SEC16A: variants seen among roughly 807,000 people sequenced by gnomAD.
The protein encoded by SEC16A is protein transport protein Sec16A.
Under a neutral mutation model 221.9 loss-of-function variants are expected in SEC16A, and 110 were observed. The ratio of observed to expected loss-of-function variants is 0.50; its 90% CI spans 0.42 to 0.58. The LOEUF is 0.58. Among genes scored for constraint, SEC16A ranks in the 20% least tolerant of loss-of-function variants. The pLI is 0.00. For missense variants in SEC16A, 3,165 were observed against 3,097.8 expected (o/e 1.02, Z -0.52); for synonymous variants, 1,393 against 1,257.7 (o/e 1.11, Z -2.28).
chr9:136,464,739 T>G (rs1417885108), intron 8 of SEC16A, among the ~76,000 whole-genome samples, 177 bp from the exon 9 acceptor site: 1 of 152,172 alleles, frequency 6.6e-6, no homozygotes, highest in Non-Finnish European at 1.5e-5. Context: ...TCAGCATACG[T>G]CAGGAAAAGA....
At chr9:136,483,891 G>A, upstream of SEC16A, 1 of 815,254 alleles carries the variant, frequency 1.2e-6, no homozygotes, top group Non-Finnish European at 1.5e-6. Context: ...GCGTGGCCGC[G>A]GGCACCGAGC....
chr9:136,455,920 G>C, intron 19 of SEC16A, 127 bp from the exon 20 acceptor site: 1 of 1,179,726 alleles, frequency 8.5e-7, no homozygotes, highest in Non-Finnish European at 1.2e-6. Context: ...CCTTTCTGGG[G>C]AATTAGGGAA....
rs1468673435 is a variant in SEC16A at position 136,441,689 on chromosome 9, C to T, written c.*66G>A. 1.9e-5 allele frequency: 28 copies of T among 1,467,960 alleles called. No individual in the cohort carries two copies. Among genetic ancestry groups the T allele is most frequent in the East Asian group, 6.8e-5 (3 of 43,818 alleles). The allele number at this position is 1,467,960 out of a possible 1,614,324, so 90.9% of individuals were successfully genotyped here. A position where few individuals can be genotyped will look rare whatever the true frequency, so the allele number is the denominator to read the frequency against. ...GGGGCGGGACGGAGATCGCGGAGGTCGGTCGGGTTCTTCGGGGAGAACAGC... is the reference window on the plus strand; with the variant it reads ...GGGGCGGGACGGAGATCGCGGAGGTTGGTCGGGTTCTTCGGGGAGAACAGC... On this transcript the variant is annotated 3_prime_UTR_variant, in exon 32 of 32. Coordinates refer to ENST00000684901, the MANE Select transcript of SEC16A (RefSeq NM_014866.2).
Position 136,477,192 on chromosome 9 carries a change from CA to C in SEC16A, c.423del (p.Ser141ArgfsTer46). 6.2e-7 allele frequency: 1 copy of C among 1,613,888 alleles called. No homozygotes were observed. Among genetic ancestry groups the C allele is most frequent in the Non-Finnish European group, 8.5e-7 (1 of 1,179,880 alleles). On this transcript the variant is annotated frameshift_variant, in exon 3 of 32. Coordinates refer to ENST00000684901, the MANE Select transcript of SEC16A (RefSeq NM_014866.2). LOFTEE classifies it high-confidence loss of function. ...GGCTCTGAACTGGGACCGACCTCTG[CA>C]CTCCTGTTCATCTCAGGCCCAGGAG... ...SAPPGPEMNR[S>X]AEVGPSSEPE...
chr9:136,475,474 C>T lies in SEC16A; in HGVS notation c.2142G>A (p.Gly714=), dbSNP rs774610435. 15 of 1,607,000 alleles carry T rather than the reference C, an allele frequency of 9.3e-6. No homozygotes were observed. The Admixed American group carries it at 1.5e-4, about 16-fold the overall frequency. Reference sequence around the variant, plus strand: ...TTGCTGGGCTCTCACACTTCACGGGCCCCTGGGTCCTGGCTGAAGGCCTCT... The same window carrying T: ...TTGCTGGGCTCTCACACTTCACGGGTCCCTGGGTCCTGGCTGAAGGCCTCT... ...PEKRPSARTQ[G]PVKCESPATT... The change falls in exon 3 of 32, where the codon GGG becomes GGA. Residue 714 remains glycine, a synonymous_variant. Transcript: ENST00000684901. This position sits in a 1 kb window ranked among gnomAD's most constrained non-coding sequence, Gnocchi z 5.0.
chr9:136,461,331 A>T (rs1276884745), intron 12 of SEC16A, 57 bp from the exon 13 acceptor site: 1 of 1,268,656 alleles, frequency 7.9e-7, no homozygotes, highest in East Asian at 2.5e-5. Flanking sequence ...ACGTGACATG[A>T]GTCAAGACAG....
rs894041114 is a variant in SEC16A, at chr9:136,477,483, T to C, written c.133A>G (p.Thr45Ala). Residue 45 changes from threonine to alanine, a missense_variant, in exon 3 of 32, where the codon ACT becomes GCT. Physicochemically the swap from Thr to Ala is moderately conservative, Grantham distance 58. Transcript: ENST00000684901. ...ANNNAAVAPT[T>A]CPLQPVTDPF... ...TCCGTGACCGGCTGCAACGGGCAAG[T>C]TGTCGGAGCCACTGCTGCATTATTA... The C allele has an allele frequency of 2.1e-5, 34 of 1,613,896 alleles. No individual in the cohort carries two copies. The highest frequency in any genetic ancestry group is 2.7e-5 in the African/African-American group (2 of 74,918).
At position 136,447,324 on chromosome 9, in the gene SEC16A, G is replaced by T; in HGVS notation, c.6600C>A (p.Ser2200Arg). Reference protein sequence around the residue: ...RARYVDVLNPSGTQRSEPALA... With the variant: ...RARYVDVLNPRGTQRSEPALA... ...GAGCCGGCTCGCTCCGCTGGGTCCCGCTTGGGTTCAGGACGTCAACGTAGC... is the reference window on the plus strand; with the variant it reads ...GAGCCGGCTCGCTCCGCTGGGTCCCTCTTGGGTTCAGGACGTCAACGTAGC... Residue 2200 changes from serine (S) to arginine (R), a missense_variant, in exon 27 of 32, where the codon AGC becomes AGA. This residue lies in a region of SEC16A where 1,088 missense variants were observed against 1,089.6 expected (regional missense o/e 1.00). Coordinates refer to ENST00000684901, the MANE Select transcript of SEC16A (RefSeq NM_014866.2). The surrounding 1 kb of genome is among the most constrained non-coding windows in gnomAD (Gnocchi z 5.5). 6.3e-7 allele frequency: 1 copy of T among 1,596,656 alleles called. No homozygotes were observed. Among genetic ancestry groups the T allele is most frequent in the Non-Finnish European group, 8.5e-7 (1 of 1,172,502 alleles).
At chr9:136,484,223 C>T, upstream of SEC16A, 1 of 419,774 alleles carries the variant, frequency 2.4e-6, no homozygotes, top group South Asian at 5.4e-5. Flanking sequence ...GGGTCCCAGC[C>T]TTGGCTGAGT....
chr9:136,472,591 C>G (rs10046842), intron 3 of SEC16A, among the ~76,000 whole-genome samples: 1,779 of 152,326 alleles, frequency 0.012, 41 homozygotes, highest in African/African-American at 0.041. Context: ...GTGAACAGAG[C>G]CCCAGCCAGG....
Position 136,459,890 on chromosome 9 carries a change from A to C in SEC16A, c.5074-16T>G, listed in dbSNP as rs564987611. ...CTCCACAGCACTAACATGAGGAAAA[A>C]CAAAACGAAGCCTCATCCCCGGAAG... On this transcript the variant is annotated splice_polypyrimidine_tract_variant and intron_variant, in intron 14 of 31. Coordinates refer to ENST00000684901, the MANE Select transcript of SEC16A (RefSeq NM_014866.2). This position sits in a 1 kb window ranked among gnomAD's most constrained non-coding sequence, Gnocchi z 6.1. 3.7e-6 allele frequency: 6 copies of C among 1,606,372 alleles called. No individual in the cohort carries two copies. The African/African-American group carries it at 5.3e-5, about 14-fold the overall frequency.
chr9:136,463,833 G>C, intron 9 of SEC16A, 93 bp from the exon 10 acceptor site: 1 of 1,394,608 alleles, frequency 7.2e-7, no homozygotes, highest in Non-Finnish European at 1.0e-6. Flanking sequence ...GCCCGTGAGA[G>C]GAGAGGATGG....
chr9:136,474,160 C>T lies in SEC16A; in HGVS notation c.3456G>A (p.Pro1152=), dbSNP rs776243534. 2.9e-5 allele frequency: 46 copies of T among 1,613,140 alleles called. 1 individual carries two copies. In the South Asian group the frequency reaches 2.9e-4, roughly 10 times the overall value. ...QPVPALAPGP[P]PQDLAAYYYY... is the part of the protein sequence containing the mutation. ...AGTAGTAGGCGGCCAGGTCCTGAGGCGGTGGGCCGGGGGCAAGTGCAGGCA... is the reference window on the plus strand; with the variant it reads ...AGTAGTAGGCGGCCAGGTCCTGAGGTGGTGGGCCGGGGGCAAGTGCAGGCA... The change falls in exon 3 of 32, where the codon CCG becomes CCA. Residue 1152 remains proline, a synonymous_variant. Transcript: ENST00000684901.
chr9:136,470,393 G>T (rs865962958), intron 4 of SEC16A, among the ~76,000 whole-genome samples: 3 of 152,192 alleles, frequency 2.0e-5, no homozygotes, highest in African/African-American at 7.2e-5. Context: ...GAAGGAAAAC[G>T]GAACAGTGAG....
Position 136,476,821 on chromosome 9 carries a change from G to A in SEC16A, c.795C>T (p.His265=), listed in dbSNP as rs773446232. 1.2e-6 allele frequency: 2 copies of A among 1,612,358 alleles called. No individual in the cohort carries two copies. Among genetic ancestry groups the A allele is most frequent in the Non-Finnish European group, 1.7e-6 (2 of 1,178,978 alleles). The part of the protein sequence containing the change: ...ILHQGPGHEQ[H]SPLVAPPAAL... Reference sequence around the variant, plus strand: ...CTGCTGGGGGAGCCACCAGAGGGCTGTGTTGCTCATGACCAGGGCCCTGAT... The same window carrying A: ...CTGCTGGGGGAGCCACCAGAGGGCTATGTTGCTCATGACCAGGGCCCTGAT... The change falls in exon 3 of 32, where the codon CAC becomes CAT. Residue 265 remains histidine (H), a synonymous_variant. Transcript: ENST00000684901.
At position 136,459,857 on chromosome 9, in the gene SEC16A, T is replaced by A. The variant is rs1839230996; in HGVS notation, c.5091A>T (p.Lys1697Asn). ...PAASTCCGDE[K>N]WGDWRPHLAM... ...CGAGGTGCGGCCTCCAATCTCCCCATTTCTCGTCTCCACAGCACTAACATG... is the reference window on the plus strand; with the variant it reads ...CGAGGTGCGGCCTCCAATCTCCCCAATTCTCGTCTCCACAGCACTAACATG... The change falls in exon 15 of 32, where the codon AAA (lysine) becomes AAT (asparagine). Residue 1697 changes from lysine to asparagine, a missense_variant. This residue lies in a region of SEC16A where 1,088 missense variants were observed against 1,089.6 expected (regional missense o/e 1.00). Transcript: ENST00000684901. The surrounding 1 kb of genome is among the most constrained non-coding windows in gnomAD (Gnocchi z 6.1). 3 of 1,613,464 alleles carry A rather than the reference T, an allele frequency of 1.9e-6. No homozygotes were observed. In the African/African-American group the frequency reaches 4.0e-5, roughly 22 times the overall value.
chr9:136,466,827 A>T lies in SEC16A; in HGVS notation c.3929+130T>A. 1 of 1,179,496 alleles carries T rather than the reference A, an allele frequency of 8.5e-7. No homozygotes were observed. The allele number at this position is 1,179,496 out of a possible 1,614,324, so 73.1% of individuals were successfully genotyped here. ...GCTCCCTCCTTCCTTTCAGACAGGG[A>T]CCAAAACATCAGGCAGATGCTCACC... On this transcript the variant is annotated intron_variant, in intron 6 of 31. Coordinates refer to ENST00000684901, the MANE Select transcript of SEC16A (RefSeq NM_014866.2). The surrounding 1 kb of genome is among the most constrained non-coding windows in gnomAD (Gnocchi z 5.5).
chr9:136,443,283 C>T (rs1231477873), intron 31 of SEC16A, among the ~76,000 whole-genome samples: 2 of 151,864 alleles, frequency 1.3e-5, no homozygotes, highest in Admixed American at 6.6e-5. Context: ...GAGCTGAGCA[C>T]GGTGGGCCTG....
intron 31 of SEC16A, among the ~76,000 whole-genome samples, chr9:136,442,760 A>T (rs1306661534): frequency 6.6e-6 from 1 of 152,254 alleles, no homozygotes; most frequent in Non-Finnish European, 1.5e-5. Flanking sequence ...AGGCAGCAGG[A>T]AACCTAAGGC....
Sources: allele counts gnomAD v4.1 joint callset (sites outside exome capture counted in the v4.1 genomes callset), GRCh38; gene constraint gnomAD v4.1.1; regional missense constraint gnomAD v4.1.1; non-coding constraint Gnocchi (gnomAD v3.1); transcripts MANE v1.5; gene names NCBI Gene and HGNC (gene_info 2026-07-23, HGNC 2026-07-21).